Variants in MALT1 observed in about 807,000 individuals in gnomAD.
The protein encoded by MALT1 is mucosa-associated lymphoid tissue lymphoma translocation protein 1.
In MALT1, 36 loss-of-function variants were observed where a neutral mutation model predicts 85.5. That is an observed-to-expected ratio of 0.42 (90% confidence interval 0.32 to 0.56). The LOEUF is 0.56. MALT1 is among the 20% of genes least tolerant of loss of function. MALT1 has a pLI of 0.10. For missense variants in MALT1, 716 were observed against 981.6 expected, an observed-to-expected ratio of 0.73 and a Z score of 3.62; for synonymous variants, 359 against 361.3, an observed-to-expected ratio of 0.99 and a Z score of 0.07.
chr18:58,732,766 CT>C (rs2055169351), intron 10 of MALT1, among the ~76,000 whole-genome samples: 6 of 122,482 alleles, frequency 4.9e-5, no homozygotes, highest in Admixed American at 3.7e-4. Context: ...TAGCTGCATT[CT>C]TTTTTATATA....
At chr18:58,720,027 A>G (rs1183970553) in intron 9 of MALT1, among the ~76,000 whole-genome samples, 1 of 152,224 alleles carries the variant, frequency 6.6e-6, no homozygotes, top group Non-Finnish European at 1.5e-5. Context: ...TTTTTGAAGA[A>G]TATATTACAT....
Position 58,734,278 on chromosome 18 carries a change from ATCTGCCCTCC to A in MALT1, c.1401-26_1401-17del. On this transcript the variant is annotated intron_variant, in intron 11 of 16. Transcript: ENST00000649217. ...ATGCTCTTTAACTTTTCATATTTCTATCTGCCCTCCTCCGCCTCCCTTAAATAGAAATGAC... is the reference window on the plus strand; with the variant it reads ...ATGCTCTTTAACTTTTCATATTTCTATCCGCCTCCCTTAAATAGAAATGAC... 6.7e-7 allele frequency: 1 copy of A among 1,482,822 alleles called. No homozygotes were observed. Among genetic ancestry groups the A allele is most frequent in the Non-Finnish European group, 9.4e-7 (1 of 1,060,770 alleles). The allele number at this position is 1,482,822 out of a possible 1,614,324, so 91.9% of individuals were successfully genotyped here. A position where few individuals can be genotyped will look rare whatever the true frequency, so the allele number is the denominator to read the frequency against.
intron 11 of MALT1, chr18:58,734,005 T>G: frequency 8.4e-7 from 1 of 1,189,828 alleles, no homozygotes; most frequent in Non-Finnish European, 1.0e-6. Context: ...TGTCTGCCAT[T>G]GCCTTTCTAA....
intron 10 of MALT1, among the ~76,000 whole-genome samples, chr18:58,725,591 C>T (rs1405283950): frequency 6.6e-6 from 1 of 152,160 alleles, no homozygotes; most frequent in Non-Finnish European, 1.5e-5. Context: ...GCTTCCAAAA[C>T]TTCACTAGAA....
chr18:58,709,955 C>T, intron 5 of MALT1, 21 bp from the exon 6 acceptor site: 1 of 1,446,354 alleles, frequency 6.9e-7, no homozygotes, highest in Non-Finnish European at 9.6e-7. Flanking sequence ...GAAGCATTTA[C>T]ATGTTCTAAT....
At chr18:58,703,124 C>T (rs1296691466) in intron 4 of MALT1, among the ~76,000 whole-genome samples, 5 of 152,064 alleles carry the variant, frequency 3.3e-5, no homozygotes, top group African/African-American at 4.8e-5. Context: ...TTTGGGAGGC[C>T]GAGGCAGGCA....
intron 9 of MALT1, 116 bp downstream of exon 9, chr18:58,716,083 A>C: frequency 2.7e-6 from 2 of 729,132 alleles, no homozygotes; most frequent in Non-Finnish European, 4.5e-6. Flanking sequence ...TTGGGACCAA[A>C]TGTTTTATTT....
At chr18:58,696,787 T>C (rs1707446089) in intron 3 of MALT1, among the ~76,000 whole-genome samples, 1 of 152,232 alleles carries the variant, frequency 6.6e-6, no homozygotes, top group South Asian at 2.1e-4. Flanking sequence ...TTCTTGTGTA[T>C]ACAAACTCTT....
intron 14 of MALT1, among the ~76,000 whole-genome samples, chr18:58,742,302 CA>C (rs1370912260): frequency 2.6e-5 from 4 of 152,144 alleles, no homozygotes. Flanking sequence ...GTCTAATACA[CA>C]ATCCTTTAGA....
At chr18:58,725,341 G>GAA (rs1451341584) in intron 10 of MALT1, among the ~76,000 whole-genome samples, 1 of 151,672 alleles carries the variant, frequency 6.6e-6, no homozygotes, top group Non-Finnish European at 1.5e-5. Context: ...AAAAAGAAAA[G>GAA]AAAAACATAA....
At chr18:58,675,050 A>G (rs1054811068) in intron 1 of MALT1, among the ~76,000 whole-genome samples, 4 of 152,228 alleles carry the variant, frequency 2.6e-5, no homozygotes, top group African/African-American at 7.2e-5. Context: ...CCCCACAACC[A>G]TGTACATTTG....
rs1257815985 is a variant in MALT1, at chr18:58,751,155, T to A, written c.*3313T>A. 6.6e-6 allele frequency: 1 copy of A among 152,088 alleles called. No individual in the cohort carries two copies. The highest frequency in any genetic ancestry group is 1.5e-5 in the Non-Finnish European group (1 of 68,020). 9.4% of individuals were successfully genotyped at this position (152,088 alleles called of 1,614,324 possible). ...TAGTGTGAGGAACTGAACATAAAAT[T>A]TTAGTTTTAGGATGGGTGTGGTGGC... is the stretch of plus-strand genomic sequence containing the variant. On this transcript the variant is annotated 3_prime_UTR_variant, in exon 17 of 17. Coordinates refer to ENST00000649217, the MANE Select transcript of MALT1 (RefSeq NM_006785.4).
chr18:58,705,227 T>C (rs2054729727), intron 4 of MALT1, among the ~76,000 whole-genome samples: 1 of 151,902 alleles, frequency 6.6e-6, no homozygotes, highest in East Asian at 1.9e-4. Flanking sequence ...GTGCCCCCCA[T>C]TGTATATTTG....
At chr18:58,746,681 AT>A (rs1339831852) in intron 16 of MALT1, among the ~76,000 whole-genome samples, 2 of 152,154 alleles carry the variant, frequency 1.3e-5, no homozygotes, top group African/African-American at 2.4e-5. Flanking sequence ...TTACTATAAT[AT>A]TTTAAAAACA....
intron 10 of MALT1, among the ~76,000 whole-genome samples, chr18:58,727,696 C>T (rs1004033885): frequency 5.3e-4 from 77 of 145,186 alleles, no homozygotes; most frequent in African/African-American, 1.9e-3. Flanking sequence ...CAGTGAAAAG[C>T]CAGTGCACTG....
intron 1 of MALT1, among the ~76,000 whole-genome samples, chr18:58,673,272 G>A (rs1402835071): frequency 6.6e-6 from 1 of 152,150 alleles, no homozygotes; most frequent in Non-Finnish European, 1.5e-5. Flanking sequence ...CTAATCATAA[G>A]GGTTTATCCA....
chr18:58,725,253 C>G (rs1012906413), intron 10 of MALT1, among the ~76,000 whole-genome samples: 2 of 151,996 alleles, frequency 1.3e-5, no homozygotes, highest in African/African-American at 4.8e-5. Flanking sequence ...ACCCAGGAGG[C>G]AGAGGTTGCA....
chr18:58,716,983 A>G (rs1204480723), intron 9 of MALT1, among the ~76,000 whole-genome samples: 1 of 152,200 alleles, frequency 6.6e-6, no homozygotes, highest in African/African-American at 2.4e-5. Flanking sequence ...AGATTGGTGA[A>G]CAGATAGATT....
In MALT1 at chr18:58,671,490, C is replaced by T. The variant is rs2054157064; in HGVS notation, c.-154C>T. On this transcript the variant is annotated 5_prime_UTR_variant, in exon 1 of 17. Coordinates refer to ENST00000649217, the MANE Select transcript of MALT1 (RefSeq NM_006785.4). ...AAACCTGTCTAATTGGGGCGGGGAG[C>T]GGAGCTTCCTCCTCTGAGGGCCGTG... 2.3e-6 allele frequency: 1 copy of T among 439,690 alleles called. No individual in the cohort carries two copies. Among genetic ancestry groups the T allele is most frequent in the Non-Finnish European group, 3.7e-6 (1 of 273,598 alleles). The allele number at this position is 439,690 out of a possible 1,614,324, so 27.2% of individuals were successfully genotyped here.
Sources: allele counts gnomAD v4.1 joint callset (sites outside exome capture counted in the v4.1 genomes callset), GRCh38; gene constraint gnomAD v4.1.1; transcripts MANE v1.5; gene names NCBI Gene and HGNC (gene_info 2026-07-23, HGNC 2026-07-21).